The following ABCC11 variants were observed in gnomAD, a reference collection of about 807,000 sequenced individuals.
The protein encoded by ABCC11 is ATP binding cassette subfamily C member 11, also known as ATP-binding cassette sub-family C member 11.
A neutral mutation model predicts 149.3 loss-of-function variants in ABCC11; 135 were observed. The observed-to-expected ratio is 0.90, with a 90% CI of 0.79 to 1.04. The LOEUF (loss-of-function observed/expected upper bound fraction) is 1.04, where lower values mean the gene tolerates loss of function less well. Among genes scored for constraint, ABCC11 ranks in the 50% least tolerant of loss-of-function variants. The probability of loss-of-function intolerance (pLI) is 0.00; values close to 1 mark genes in which losing one functional copy is unlikely to be tolerated. For synonymous variants in ABCC11, 665 were observed against 671.4 expected (o/e 0.99, Z 0.15); for missense variants, 1,680 against 1,722.1 (o/e 0.98, Z 0.43).
intron 23 of ABCC11, among the ~76,000 whole-genome samples, chr16:48,183,815 G>C (rs1966591855): frequency 6.6e-6 from 1 of 152,174 alleles, no homozygotes; most frequent in East Asian, 1.9e-4. Context: ...ACCAGACTCA[G>C]AATCTCTATG....
rs113625300 is a variant in ABCC11 at position 48,245,107 on chromosome 16, C to A, written c.-19+2207G>T. Among the ~76,000 whole-genome samples, 996 of 152,260 alleles carry A rather than the reference C, an allele frequency of 6.5e-3. 12 individuals carry two copies. The highest frequency in any genetic ancestry group is 0.023 in the African/African-American group (947 of 41,532). ...CTCTGCTCCGTGAGTTTTAACTTTT[C>A]CTGTTTCATTCCTAAACTGCACTAT... On this transcript the variant is annotated intron_variant, in intron 1 of 29. Transcript: ENST00000356608.
At chr16:48,187,821 A>T (rs1206624566) in intron 20 of ABCC11, among the ~76,000 whole-genome samples, 1 of 152,188 alleles carries the variant, frequency 6.6e-6, no homozygotes, top group African/African-American at 2.4e-5. Context: ...AGAATACATT[A>T]AAAATGCTCA....
intron 3 of ABCC11, among the ~76,000 whole-genome samples, chr16:48,229,619 C>A (rs962405722): frequency 3.3e-5 from 5 of 149,276 alleles, no homozygotes; most frequent in Non-Finnish European, 5.9e-5. Flanking sequence ...CGCCTGCCAC[C>A]GCACCCGGCT....
chr16:48,219,169 GT>G (rs59995920), intron 6 of ABCC11, among the ~76,000 whole-genome samples: 2,497 of 134,500 alleles, frequency 0.019, 52 homozygotes, highest in Admixed American at 0.083. Context: ...TTGGTTTTGG[GT>G]TTTTTTTTTT....
At chr16:48,228,401 C>T (rs768216126) in intron 3 of ABCC11, among the ~76,000 whole-genome samples, 13 of 151,852 alleles carry the variant, frequency 8.6e-5, no homozygotes, top group Non-Finnish European at 1.5e-4. Flanking sequence ...CGAGACCAGC[C>T]GGGCCAACAT....
At chr16:48,194,305 G>A (rs1482495979) in intron 18 of ABCC11, among the ~76,000 whole-genome samples, 4 of 152,204 alleles carry the variant, frequency 2.6e-5, no homozygotes, top group African/African-American at 9.7e-5. Flanking sequence ...TGTGTGTGAA[G>A]CACTCAGCCC....
Position 48,187,364 on chromosome 16 carries a change from C to T in ABCC11, c.2770G>A (p.Ala924Thr), listed in dbSNP as rs138453043. The change falls in exon 21 of 30, where the codon GCA becomes ACA. Residue 924 changes from alanine (A) to threonine (T), a missense_variant. By Grantham distance (58) the Ala-to-Thr change is moderately conservative. Coordinates refer to ENST00000356608, the MANE Select transcript of ABCC11 (RefSeq NM_001370497.1). ...TGGTCCAGCTGTTCCAAGTCCCCTGCGAAGCAGTTCAAAAGCCGGCCTATT... is the reference window on the plus strand; with the variant it reads ...TGGTCCAGCTGTTCCAAGTCCCCTGTGAAGCAGTTCAAAAGCCGGCCTATT... ...IPIGRLLNCF[A>T]GDLEQLDQLL... The T allele has an allele frequency of 5.1e-5, 82 of 1,613,904 alleles. No individual in the cohort carries two copies. Among genetic ancestry groups the T allele is most frequent in the Middle Eastern group, 3.3e-4 (2 of 6,084 alleles).
chr16:48,214,568 C>T (rs1969185080), intron 9 of ABCC11, among the ~76,000 whole-genome samples: 1 of 152,126 alleles, frequency 6.6e-6, no homozygotes, highest in Admixed American at 6.5e-5. Flanking sequence ...TCCCAGGGCC[C>T]TTATTTAGGG....
chr16:48,220,934 A>G (rs1044151776), intron 6 of ABCC11, among the ~76,000 whole-genome samples: 2 of 152,208 alleles, frequency 1.3e-5, no homozygotes, highest in African/African-American at 4.8e-5. Context: ...GATTTGTGCA[A>G]AAAGAACTGC....
rs1971198466 is a variant in ABCC11, at chr16:48,244,274, G to C, written c.-19+3040C>G. The C allele has an allele frequency of 1.1e-5, 8 of 722,262 alleles. No individual in the cohort carries two copies. The East Asian group carries it at 2.6e-4, about 24-fold the overall frequency. 44.7% of individuals were successfully genotyped at this position (722,262 alleles called of 1,614,324 possible). On this transcript the variant is annotated intron_variant, in intron 1 of 29. Coordinates refer to ENST00000356608, the MANE Select transcript of ABCC11 (RefSeq NM_001370497.1). Reference sequence around the variant, plus strand: ...TGGGCCCGGGGACGGACCGTAGCGCGTAGCCGGAAGCGGAGGCGTGGAGGC... The same window carrying C: ...TGGGCCCGGGGACGGACCGTAGCGCCTAGCCGGAAGCGGAGGCGTGGAGGC...
At chr16:48,190,988 A>G (rs1245455698) in intron 20 of ABCC11, among the ~76,000 whole-genome samples, 1 of 150,950 alleles carries the variant, frequency 6.6e-6, no homozygotes, top group East Asian at 2.0e-4. Context: ...AAAAAAGATC[A>G]GTGGTTGCTG....
chr16:48,229,614 G>A lies in ABCC11; in HGVS notation c.236+823C>T, dbSNP rs562482994. 4.0e-5 allele frequency among the ~76,000 whole-genome samples: 6 copies of A among 149,204 alleles called. No individual in the cohort carries two copies. In the East Asian group the frequency reaches 1.2e-3, roughly 29 times the overall value. ...TGAGTAGCTGGGACTACAGGCGCCT[G>A]CCACCGCACCCGGCTAATTTTTTGT... On this transcript the variant is annotated intron_variant, in intron 3 of 29. Coordinates refer to ENST00000356608, the MANE Select transcript of ABCC11 (RefSeq NM_001370497.1).
chr16:48,205,845 C>G (rs1968398848), intron 12 of ABCC11, among the ~76,000 whole-genome samples: 1 of 149,888 alleles, frequency 6.7e-6, no homozygotes, highest in African/African-American at 2.5e-5. Context: ...GAGTCTCGCT[C>G]TGTCGCCCAG....
intron 1 of ABCC11, among the ~76,000 whole-genome samples, chr16:48,234,043 A>G (rs1361324247): frequency 6.6e-6 from 1 of 152,244 alleles, no homozygotes; most frequent in African/African-American, 2.4e-5. Flanking sequence ...CATTATTAAC[A>G]TTTCCTACAT....
intron 20 of ABCC11, among the ~76,000 whole-genome samples, chr16:48,191,296 G>A (rs1966902845): frequency 6.6e-6 from 1 of 152,218 alleles, no homozygotes. Flanking sequence ...AGCACTTTAG[G>A]AGGCTGAGAT....
chr16:48,240,279 G>A (rs1392739515), intron 1 of ABCC11, among the ~76,000 whole-genome samples: 1 of 152,138 alleles, frequency 6.6e-6, no homozygotes, highest in Non-Finnish European at 1.5e-5. Context: ...CAACCTAAAT[G>A]CCCATCAACA....
At chr16:48,222,518 C>G (rs1432076086) in intron 6 of ABCC11, 80 bp downstream of exon 6, 1 of 1,234,784 alleles carries the variant, frequency 8.1e-7, no homozygotes, top group African/African-American at 1.5e-5. Flanking sequence ...CCTTTTCTCC[C>G]TCTCTTGGCC....
chr16:48,238,213 A>G (rs1287684515), intron 1 of ABCC11, among the ~76,000 whole-genome samples: 1 of 152,222 alleles, frequency 6.6e-6, no homozygotes, highest in Non-Finnish European at 1.5e-5. Context: ...AGCTTTAGGC[A>G]GGAGCTTCTA....
intron 1 of ABCC11, among the ~76,000 whole-genome samples, chr16:48,239,421 G>A (rs1374943942): frequency 6.6e-6 from 1 of 151,988 alleles, no homozygotes; most frequent in Non-Finnish European, 1.5e-5. Flanking sequence ...AATTAGCCAG[G>A]TGTGGTGGCA....
Sources: allele counts gnomAD v4.1 joint callset (sites outside exome capture counted in the v4.1 genomes callset), GRCh38; gene constraint gnomAD v4.1.1; transcripts MANE v1.5; gene names NCBI Gene and HGNC (gene_info 2026-07-23, HGNC 2026-07-21).